The following CSNK2A1 variants were observed in gnomAD, a reference collection of about 807,000 sequenced individuals.
CSNK2A1 encodes casein kinase 2 alpha 1.
A neutral mutation model predicts 62.9 loss-of-function variants in CSNK2A1; 10 were observed. The observed-to-expected ratio is 0.16, with a 90% CI of 0.10 to 0.27. The LOEUF (loss-of-function observed/expected upper bound fraction) is 0.27, where lower values mean the gene tolerates loss of function less well. Among genes scored for constraint, CSNK2A1 ranks in the 10% least tolerant of loss-of-function variants. The pLI is 1.00. For synonymous variants in CSNK2A1, 124 were observed against 167.8 expected, an observed-to-expected ratio of 0.74 and a Z score of 2.02; for missense variants, 160 against 492.0, an observed-to-expected ratio of 0.33 and a Z score of 6.38.
rs2019131807 is a variant in CSNK2A1 at position 527,939 on chromosome 20, G to A, written c.-116C>T. On this transcript the variant is annotated 5_prime_UTR_variant, in exon 2 of 14. Coordinates refer to ENST00000217244, the MANE Select transcript of CSNK2A1 (RefSeq NM_177559.3). ...GTTTCCTACTATCACTTACCAAAGA[G>A]ATGTGAAACTAGTCAGTATGGGTGA... 6.6e-6 allele frequency: 1 copy of A among 152,180 alleles called. No homozygotes were observed. Among genetic ancestry groups the A allele is most frequent in the African/African-American group, 2.4e-5 (1 of 41,444 alleles). 9.4% of individuals were successfully genotyped at this position (152,180 alleles called of 1,614,324 possible).
rs183052202 is a variant in CSNK2A1, at chr20:489,382, G to C, written c.723+398C>G. On this transcript the variant is annotated intron_variant, in intron 10 of 13. Coordinates refer to ENST00000217244, the MANE Select transcript of CSNK2A1 (RefSeq NM_177559.3). The stretch of plus-strand genomic sequence containing the variant: ...GTTCTTGTGAATGAAAGAGCCCTTT[G>C]ATCTTCAAGGGGGAAGTGGAGTTAG... 167 of 239,162 alleles carry C rather than the reference G, an allele frequency of 7.0e-4. 1 individual carries two copies. The highest frequency in any genetic ancestry group is 1.8e-4 in the Non-Finnish European group (22 of 125,396). The allele number at this position is 239,162 out of a possible 1,614,324, so 14.8% of individuals were successfully genotyped here.
At chr20:537,984 C>T (rs1177938744) in intron 1 of CSNK2A1, among the ~76,000 whole-genome samples, 4 of 139,542 alleles carry the variant, frequency 2.9e-5, no homozygotes, top group African/African-American at 8.5e-5. Flanking sequence ...TTTTTTGAGA[C>T]GGAGTCTTGC....
intron 2 of CSNK2A1, among the ~76,000 whole-genome samples, chr20:523,769 T>TA (rs888629315): frequency 4.1e-5 from 6 of 145,822 alleles, no homozygotes; most frequent in African/African-American, 1.3e-4. Flanking sequence ...TGGGCGCCTG[T>TA]AGTCCCAACT....
chr20:526,994 A>AGACG (rs2019106500), intron 2 of CSNK2A1: 3 of 89,120 alleles, frequency 3.4e-5, no homozygotes, highest in African/African-American at 1.8e-4. Context: ...AAAGAGAGAG[A>AGACG]GACAGACAGA....
intron 8 of CSNK2A1, 31 bp downstream of exon 8, chr20:495,684 GTAGA>G (rs1330736559): frequency 1.9e-6 from 3 of 1,576,180 alleles, no homozygotes; most frequent in Admixed American, 1.7e-5. Flanking sequence ...GCTACATCAT[GTAGA>G]TAAATAACAC....
chr20:497,398 T>C (rs1426639340), intron 7 of CSNK2A1, among the ~76,000 whole-genome samples: 1 of 152,154 alleles, frequency 6.6e-6, no homozygotes, highest in African/African-American at 2.4e-5. Flanking sequence ...TCCTCCTGCC[T>C]TGGCCTCCCA....
intron 6 of CSNK2A1, 90 bp from the exon 7 acceptor site, chr20:497,870 C>T: frequency 8.6e-7 from 1 of 1,169,484 alleles, no homozygotes; most frequent in Non-Finnish European, 1.3e-6. Context: ...CAAGACTTGG[C>T]TCATTTACCG....
At chr20:523,217 C>T (rs1391173635) in intron 2 of CSNK2A1, among the ~76,000 whole-genome samples, 11 of 152,102 alleles carry the variant, frequency 7.2e-5, no homozygotes, top group African/African-American at 2.7e-4. Context: ...TACTGTATAG[C>T]CATTCTAGAA....
At chr20:488,558 G>A (rs1045128070) in intron 11 of CSNK2A1, 120 bp downstream of exon 11, 389 of 968,188 alleles carry the variant, frequency 4.0e-4, no homozygotes, top group Non-Finnish European at 5.8e-4. Flanking sequence ...CTGTGGCACT[G>A]GACCACTGAC....
chr20:475,451 ACT>A lies in CSNK2A1; in HGVS notation c.*8508_*8509del, dbSNP rs2017829227. 7.6e-6 allele frequency: 1 copy of A among 132,014 alleles called. No individual in the cohort carries two copies. The highest frequency in any genetic ancestry group is 3.1e-5 in the African/African-American group (1 of 31,854). The allele number at this position is 132,014 out of a possible 1,614,324, so 8.2% of individuals were successfully genotyped here. On this transcript the variant is annotated 3_prime_UTR_variant, in exon 14 of 14. Coordinates refer to ENST00000217244, the MANE Select transcript of CSNK2A1 (RefSeq NM_177559.3). ...CTCCAGCCTGGGTGACAGAGTTAAG[ACT>A]CTGACTCAAAAAAAAAAAAAAAAAG... is the stretch of plus-strand genomic sequence containing the variant.
At chr20:526,381 C>T (rs780516868) in intron 2 of CSNK2A1, among the ~76,000 whole-genome samples, 7 of 151,780 alleles carry the variant, frequency 4.6e-5, no homozygotes, top group African/African-American at 1.5e-4. Flanking sequence ...AAGGCTGAAG[C>T]GGGAAGACTG....
At chr20:511,696 A>G (rs991143440) in intron 2 of CSNK2A1, among the ~76,000 whole-genome samples, 1 of 97,666 alleles carries the variant, frequency 1.0e-5, no homozygotes, top group African/African-American at 7.2e-5. Flanking sequence ...TGCACTGTGT[A>G]TATATATACA....
In CSNK2A1 at chr20:486,383, C is replaced by T. The variant is rs1363352048; in HGVS notation, c.1053G>A (p.Met351Ile). ...ATTTACCAATGAACTGACCTGACATCATATTGGCGCTGCTGACGGGCGTAC... is the reference window on the plus strand; with the variant it reads ...ATTTACCAATGAACTGACCTGACATTATATTGGCGCTGCTGACGGGCGTAC... Reference protein sequence around the residue: ...GGSTPVSSANMMSGISSVPTP... With the variant: ...GGSTPVSSANIMSGISSVPTP... The change falls in exon 13 of 14, where the codon ATG becomes ATA. Residue 351 changes from methionine to isoleucine, a missense_variant. Around this residue, in one of 3 missense-constraint regions of CSNK2A1, gnomAD observed 51 missense variants for 108.8 expected, o/e 0.47. Coordinates refer to ENST00000217244, the MANE Select transcript of CSNK2A1 (RefSeq NM_177559.3). 1.9e-6 allele frequency: 3 copies of T among 1,613,664 alleles called. No individual in the cohort carries two copies. Among genetic ancestry groups the T allele is most frequent in the Non-Finnish European group, 2.5e-6 (3 of 1,179,862 alleles).
chr20:481,594 T>C lies in CSNK2A1; in HGVS notation c.*2367A>G, dbSNP rs1327396154. On this transcript the variant is annotated 3_prime_UTR_variant, in exon 14 of 14. Transcript: ENST00000217244. ...AACTTCTATTTATTTTAAAAGGCTC[T>C]TGGGTGGCACCTCAGAGTCCTCTGC... is the stretch of plus-strand genomic sequence containing the variant. The C allele has an allele frequency of 1.3e-5, 2 of 150,726 alleles. No homozygotes were observed. Among genetic ancestry groups the C allele is most frequent in the Non-Finnish European group, 2.9e-5 (2 of 67,904 alleles). The allele number at this position is 150,726 out of a possible 1,614,324, so 9.3% of individuals were successfully genotyped here.
At position 477,574 on chromosome 20, in the gene CSNK2A1, G is replaced by A. The variant is rs1319651202; in HGVS notation, c.*6387C>T. On this transcript the variant is annotated 3_prime_UTR_variant, in exon 14 of 14. Transcript: ENST00000217244. ...TAGCCTTTCCAAGTGCCACAGCATT[G>A]TTTCAGTTTCTATCTTAGAAAGCCC... 1 of 152,354 alleles carries A rather than the reference G, an allele frequency of 6.6e-6. No homozygotes were observed. The highest frequency in any genetic ancestry group is 1.5e-5 in the Non-Finnish European group (1 of 68,202). The allele number at this position is 152,354 out of a possible 1,614,324, so 9.4% of individuals were successfully genotyped here.
chr20:519,169 C>T (rs1284209329), intron 2 of CSNK2A1, among the ~76,000 whole-genome samples: 1 of 151,700 alleles, frequency 6.6e-6, no homozygotes, highest in Non-Finnish European at 1.5e-5. Flanking sequence ...AACTTCTGAC[C>T]TCAAGTGACC....
chr20:482,313 G>A lies in CSNK2A1; in HGVS notation c.*1648C>T, dbSNP rs1242362262. 1 of 152,122 alleles carries A rather than the reference G, an allele frequency of 6.6e-6. No individual in the cohort carries two copies. Among genetic ancestry groups the A allele is most frequent in the Non-Finnish European group, 1.5e-5 (1 of 68,022 alleles). The allele number at this position is 152,122 out of a possible 1,614,324, so 9.4% of individuals were successfully genotyped here. ...TAACAGGAGAAAATACAGAGCTGATGGTTTTGCTATTGTGCTTAAAAAACT... is the reference window on the plus strand; with the variant it reads ...TAACAGGAGAAAATACAGAGCTGATAGTTTTGCTATTGTGCTTAAAAAACT... On this transcript the variant is annotated 3_prime_UTR_variant, in exon 14 of 14. Transcript: ENST00000217244.
At chr20:486,218 A>G (rs894915080) in intron 13 of CSNK2A1, among the ~76,000 whole-genome samples, 158 bp downstream of exon 13, 10 of 152,194 alleles carry the variant, frequency 6.6e-5, no homozygotes, top group Non-Finnish European at 1.5e-4. Flanking sequence ...CAGTATCACT[A>G]AAGTATACCA....
intron 2 of CSNK2A1, among the ~76,000 whole-genome samples, chr20:527,408 T>A (rs1374874250): frequency 3.9e-5 from 6 of 152,224 alleles, no homozygotes; most frequent in Admixed American, 3.9e-4. Flanking sequence ...AAACATTTGT[T>A]TAAACTGACT....
Sources: allele counts gnomAD v4.1 joint callset (sites outside exome capture counted in the v4.1 genomes callset), GRCh38; gene constraint gnomAD v4.1.1; regional missense constraint gnomAD v4.1.1; transcripts MANE v1.5; gene names NCBI Gene and HGNC (gene_info 2026-07-23, HGNC 2026-07-21).